Variants in ALDH1A2 observed in about 807,000 individuals in gnomAD.
ALDH1A2 encodes the protein retinal dehydrogenase 2.
ALDH1A2 carries 27 observed loss-of-function variants against 60.3 expected under a neutral mutation model. The observed-to-expected ratio is 0.45, with a 90% CI of 0.33 to 0.62. The LOEUF (loss-of-function observed/expected upper bound fraction) is 0.62. Among genes scored for constraint, ALDH1A2 ranks in the 20% least tolerant of loss-of-function variants. ALDH1A2 has a pLI of 0.02. For synonymous variants in ALDH1A2, 289 were observed against 232.4 expected (o/e 1.24, Z -2.21); for missense variants, 581 against 643.8 (o/e 0.90, Z 1.06).
At chr15:58,011,251 C>G (rs1895625449) in intron 3 of ALDH1A2, among the ~76,000 whole-genome samples, 1 of 152,122 alleles carries the variant, frequency 6.6e-6, no homozygotes, top group Non-Finnish European at 1.5e-5. Context: ...CCATGGTGCA[C>G]AGCAAGTTTA....
chr15:58,065,112 C>T (rs1253445279), intron 1 of ALDH1A2: 14 of 286,076 alleles, frequency 4.9e-5, no homozygotes, highest in South Asian at 4.3e-4. Flanking sequence ...GACCAACAGC[C>T]GAGGGGCCCG....
chr15:57,979,944 C>T (rs1894427893), intron 7 of ALDH1A2: 1 of 353,496 alleles, frequency 2.8e-6, no homozygotes, highest in Non-Finnish European at 5.9e-6. Flanking sequence ...CGGTTCCCAG[C>T]TTGGTGTCAC....
chr15:58,013,222 T>C (rs772337282), intron 3 of ALDH1A2, among the ~76,000 whole-genome samples: 3 of 152,178 alleles, frequency 2.0e-5, no homozygotes, highest in Non-Finnish European at 4.4e-5. Context: ...CAAGAGAGGT[T>C]AACTCTGGGG....
intron 12 of ALDH1A2, 93 bp from the exon 13 acceptor site, chr15:57,955,362 C>T: frequency 7.6e-7 from 1 of 1,309,066 alleles, no homozygotes; most frequent in Non-Finnish European, 1.1e-6. Flanking sequence ...AGTTTATCAC[C>T]TGCGAACAGC....
chr15:58,051,811 G>A (rs1291178437), intron 1 of ALDH1A2, among the ~76,000 whole-genome samples: 1 of 152,130 alleles, frequency 6.6e-6, no homozygotes, highest in Non-Finnish European at 1.5e-5. Flanking sequence ...GACCTGCAAA[G>A]TGCTAAGTCT....
chr15:58,028,007 T>C (rs181633635), intron 1 of ALDH1A2, among the ~76,000 whole-genome samples: 1 of 152,038 alleles, frequency 6.6e-6, no homozygotes, highest in Non-Finnish European at 1.5e-5. Flanking sequence ...TTCCCCAACC[T>C]AGCAAGGCAG....
rs1895009354 is a variant in ALDH1A2 at position 57,995,158 on chromosome 15, G to C, written c.494-19C>G. On this transcript the variant is annotated intron_variant, in intron 4 of 12. Coordinates refer to ENST00000249750, the MANE Select transcript of ALDH1A2 (RefSeq NM_003888.4). ...TCTCCATCTGAAAGAAAAAAGCATGGTCACTCCCAGAAAGTTTAGATTAGG... is the reference window on the plus strand; with the variant it reads ...TCTCCATCTGAAAGAAAAAAGCATGCTCACTCCCAGAAAGTTTAGATTAGG... The C allele has an allele frequency of 1.3e-6, 2 of 1,553,580 alleles. No individual in the cohort carries two copies. The highest frequency in any genetic ancestry group is 1.7e-6 in the Non-Finnish European group (2 of 1,143,430).
chr15:58,022,355 C>G (rs1423871946), intron 1 of ALDH1A2, among the ~76,000 whole-genome samples: 1 of 152,144 alleles, frequency 6.6e-6, no homozygotes, highest in African/African-American at 2.4e-5. Context: ...CAAGTGCAAC[C>G]TCGGGCCTGG....
intron 1 of ALDH1A2, among the ~76,000 whole-genome samples, chr15:58,059,321 T>G (rs1896967048): frequency 6.6e-6 from 1 of 152,134 alleles, no homozygotes; most frequent in Non-Finnish European, 1.5e-5. Context: ...ATAAAGAAAT[T>G]AAAGAAATGC....
chr15:58,019,947 G>A (rs1425560326), intron 1 of ALDH1A2, among the ~76,000 whole-genome samples: 2 of 152,054 alleles, frequency 1.3e-5, no homozygotes, highest in South Asian at 2.1e-4. Flanking sequence ...AGCCCCCCAT[G>A]CATTAGCTTT....
At chr15:57,975,068 T>C (rs1250222060) in intron 7 of ALDH1A2, among the ~76,000 whole-genome samples, 2 of 152,212 alleles carry the variant, frequency 1.3e-5, no homozygotes, top group African/African-American at 4.8e-5. Context: ...CCACATCAAA[T>C]GTTGGTGGGG....
chr15:57,995,686 G>C (rs1050866315), intron 4 of ALDH1A2, among the ~76,000 whole-genome samples: 1 of 151,992 alleles, frequency 6.6e-6, no homozygotes, highest in Non-Finnish European at 1.5e-5. Context: ...CATGTCCAGG[G>C]CTATTTAAAG....
chr15:58,061,520 G>A (rs1247538617), intron 1 of ALDH1A2, among the ~76,000 whole-genome samples: 8 of 148,034 alleles, frequency 5.4e-5, no homozygotes, highest in African/African-American at 2.0e-4. Flanking sequence ...TTCTTAAGAG[G>A]GGTAGACTAG....
At chr15:57,983,846 T>C (rs769504572) in intron 7 of ALDH1A2, among the ~76,000 whole-genome samples, 3 of 152,188 alleles carry the variant, frequency 2.0e-5, no homozygotes, top group South Asian at 2.1e-4. Context: ...GTTTGTGGAA[T>C]TGACTGGAAA....
intron 1 of ALDH1A2, among the ~76,000 whole-genome samples, chr15:58,057,179 G>A (rs994712372): frequency 1.1e-4 from 16 of 152,000 alleles, no homozygotes; most frequent in Non-Finnish European, 4.4e-5. Flanking sequence ...AATGTCAAGA[G>A]CAGAAACTAA....
chr15:57,978,342 C>T (rs1343849386), intron 7 of ALDH1A2, among the ~76,000 whole-genome samples: 4 of 152,116 alleles, frequency 2.6e-5, no homozygotes, highest in African/African-American at 9.7e-5. Flanking sequence ...TCTTAAATAG[C>T]TCTAATTGAG....
At chr15:57,974,306 G>A (rs546584340) in intron 7 of ALDH1A2, among the ~76,000 whole-genome samples, 10 of 151,896 alleles carry the variant, frequency 6.6e-5, no homozygotes, top group East Asian at 1.9e-4. Context: ...GGTGGCGGGC[G>A]CCTGTAGTTC....
chr15:58,014,924 C>T (rs998821284), intron 1 of ALDH1A2, among the ~76,000 whole-genome samples: 4 of 152,126 alleles, frequency 2.6e-5, no homozygotes, highest in Non-Finnish European at 5.9e-5. Context: ...CCCAGGATTT[C>T]TTAAAAGGCT....
intron 1 of ALDH1A2, among the ~76,000 whole-genome samples, chr15:58,053,934 G>T (rs1411625360): frequency 1.3e-5 from 2 of 152,152 alleles, no homozygotes; most frequent in African/African-American, 4.8e-5. Flanking sequence ...ATTTGTGAAG[G>T]TTAATTTAAT....
Sources: allele counts gnomAD v4.1 joint callset (sites outside exome capture counted in the v4.1 genomes callset), GRCh38; gene constraint gnomAD v4.1.1; transcripts MANE v1.5; gene names NCBI Gene and HGNC (gene_info 2026-07-23, HGNC 2026-07-21).